Variants in RDH13 observed in about 807,000 individuals in gnomAD.
RDH13 encodes the protein retinol dehydrogenase 13 (all-trans and 9-cis).
Under a neutral mutation model 28.3 loss-of-function variants are expected in RDH13, and 35 were observed. That is an observed-to-expected ratio of 1.24 (90% CI 0.95 to 1.64). The LOEUF (loss-of-function observed/expected upper bound fraction) is 1.64. Ranked by LOEUF, RDH13 falls within the 40% of genes most tolerant of loss-of-function variation. The pLI is 0.00. For missense variants in RDH13, 514 were observed against 446.3 expected (o/e 1.15, Z -1.37); for synonymous variants, 229 against 198.5 (o/e 1.15, Z -1.29).
chr19:55,067,469 G>A (rs2075981207), upstream of RDH13: 1 of 152,256 alleles, frequency 6.6e-6, no homozygotes, highest in South Asian at 2.1e-4. Context: ...ATGCATATGA[G>A]AGATATTGTG....
chr19:55,062,457 G>A (rs2075835743), intron 1 of RDH13, among the ~76,000 whole-genome samples: 1 of 152,158 alleles, frequency 6.6e-6, no homozygotes, highest in African/African-American at 2.4e-5. Context: ...CGAGGCAGGC[G>A]GATCACCTGA....
Position 55,056,756 on chromosome 19 carries a change from T to C in RDH13, c.237A>G (p.Ala79=), listed in dbSNP as rs376950650. The change falls in exon 3 of 7, where the codon GCA becomes GCG. Residue 79 remains alanine, a synonymous_variant. Transcript: ENST00000415061. ...TGAGGGTCTCCCCGCGGATGTCCTTTGCTGCCGCCTCACACTTCTCCATGT... is the reference window on the plus strand; with the variant it reads ...TGAGGGTCTCCCCGCGGATGTCCTTCGCTGCCGCCTCACACTTCTCCATGT... ...CRDMEKCEAA[A]KDIRGETLNH... 29 of 1,614,068 alleles carry C rather than the reference T, an allele frequency of 1.8e-5. No homozygotes were observed. The African/African-American group carries it at 3.5e-4, about 19-fold the overall frequency.
chr19:55,059,572 CAA>C (rs1193517604), intron 1 of RDH13, among the ~76,000 whole-genome samples: 2 of 82,316 alleles, frequency 2.4e-5, no homozygotes, highest in Non-Finnish European at 4.4e-5. Context: ...TTTGGGAGGC[CAA>C]AGTTTTGGGG....
At chr19:55,057,293 C>T (rs1189567210) in intron 2 of RDH13, among the ~76,000 whole-genome samples, 1 of 152,092 alleles carries the variant, frequency 6.6e-6, no homozygotes, top group African/African-American at 2.4e-5. Flanking sequence ...TCTAGGGTAA[C>T]AGATGTTCTA....
intron 3 of RDH13, among the ~76,000 whole-genome samples, 174 bp from the exon 4 acceptor site, chr19:55,048,937 A>G (rs775262181): frequency 1.3e-5 from 2 of 152,158 alleles, no homozygotes; most frequent in Non-Finnish European, 2.9e-5. Context: ...CCCTAATCCA[A>G]TGACTGGTGT....
chr19:55,060,645 C>T (rs2075781680), intron 1 of RDH13, among the ~76,000 whole-genome samples: 1 of 152,268 alleles, frequency 6.6e-6, no homozygotes, highest in South Asian at 2.1e-4. Context: ...TCGTCCCACC[C>T]AACTAGAAAT....
chr19:55,059,121 A>G (rs1462026649), intron 2 of RDH13, 36 bp downstream of exon 2: 8 of 1,351,188 alleles, frequency 5.9e-6, no homozygotes, highest in Middle Eastern at 3.5e-4. Context: ...GGATGTACAG[A>G]TATCTCTCTG....
At position 55,045,287 on chromosome 19, in the gene RDH13, G is replaced by C. The variant is rs201642925; in HGVS notation, c.783C>G (p.Val261=). 18 of 1,612,462 alleles carry C rather than the reference G, an allele frequency of 1.1e-5. No individual in the cohort carries two copies. The highest frequency in any genetic ancestry group is 1.3e-5 in the African/African-American group (1 of 74,926). ...TTLGPIFWLL[V]KSPELAAQPS... is the part of the protein sequence containing the mutation. ...GCTGGGCGGCCAGCTCGGGGCTCTT[G>C]ACCAGCAGCCAGAAGATGGGCCCTG... The change falls in exon 7 of 7, where the codon GTC becomes GTG. Residue 261 remains valine (V), a synonymous_variant. Transcript: ENST00000415061.
In RDH13 at chr19:55,047,406, G is replaced by C; in HGVS notation, c.741C>G (p.Thr247=). The part of the protein sequence containing the change: ...LGRHTGIHGS[T]FSSTTLGPIF... ...ACTCACCGAGTGTGGTGCTGGAGAA[G>C]GTGGAGCCATGGATGCCCGTGTGTC... The change falls in exon 6 of 7, where the codon ACC becomes ACG. Residue 247 remains threonine (T), a synonymous_variant. Transcript: ENST00000415061. 1 of 1,612,052 alleles carries C rather than the reference G, an allele frequency of 6.2e-7. No individual in the cohort carries two copies. Among genetic ancestry groups the C allele is most frequent in the Non-Finnish European group, 8.5e-7 (1 of 1,179,948 alleles).
chr19:55,058,313 G>T (rs1293421729), intron 2 of RDH13, among the ~76,000 whole-genome samples: 1 of 151,492 alleles, frequency 6.6e-6, no homozygotes, highest in African/African-American at 2.4e-5. Context: ...GCTTGAACCC[G>T]GGAGGCGAAG....
At chr19:55,052,762 C>T (rs1451194435) in intron 3 of RDH13, among the ~76,000 whole-genome samples, 12 of 151,336 alleles carry the variant, frequency 7.9e-5, no homozygotes, top group African/African-American at 2.4e-4. Flanking sequence ...CCCGGGTTCA[C>T]GCCATTCTCC....
upstream of RDH13, among the ~76,000 whole-genome samples, chr19:55,066,073 T>A (rs566901944): frequency 6.6e-6 from 1 of 152,304 alleles, no homozygotes; most frequent in African/African-American, 2.4e-5. Context: ...AAGGACTTAA[T>A]CCATAGTAAG....
chr19:55,056,636 G>C lies in RDH13; in HGVS notation c.340+17C>G, dbSNP rs1462463693. 6.2e-7 allele frequency: 1 copy of C among 1,613,410 alleles called. No individual in the cohort carries two copies. The highest frequency in any genetic ancestry group is 1.1e-5 in the South Asian group (1 of 91,002). On this transcript the variant is annotated intron_variant, in intron 3 of 6. Coordinates refer to ENST00000415061, the MANE Select transcript of RDH13 (RefSeq NM_001145971.2). ...GCCTATCCCAGTCCTCATCCCACAT[G>C]GCCAGCGTTCTCCTACCTTCAATGA... is the stretch of plus-strand genomic sequence containing the variant.
upstream of RDH13, among the ~76,000 whole-genome samples, chr19:55,066,423 T>G (rs901918781): frequency 1.8e-4 from 27 of 148,742 alleles, no homozygotes; most frequent in Admixed American, 1.8e-3. Context: ...TCTCTTCCTC[T>G]CTCCCTCTCT....
Position 55,056,705 on chromosome 19 carries a change from C to T in RDH13, c.288G>A (p.Leu96=). The change falls in exon 3 of 7, where the codon CTG becomes CTA. Residue 96 remains leucine, a synonymous_variant. Transcript: ENST00000415061. ...GGATAGACTTGAGGGAAGCCAAGTC[C>T]AGGTGCCGGGCGTTGACATGGTGAT... ...TLNHHVNARH[L]DLASLKSIRE... The T allele has an allele frequency of 7.4e-6, 12 of 1,614,042 alleles. No homozygotes were observed. Among genetic ancestry groups the T allele is most frequent in the Middle Eastern group, 1.6e-4 (1 of 6,062 alleles).
At chr19:55,057,107 C>G (rs565283603) in intron 2 of RDH13, among the ~76,000 whole-genome samples, 3 of 152,216 alleles carry the variant, frequency 2.0e-5, no homozygotes, top group Admixed American at 6.6e-5. Flanking sequence ...AAACCAGACA[C>G]GAAAGACCAC....
chr19:55,047,385 A>C lies in RDH13; in HGVS notation c.760+2T>G. 6.2e-7 allele frequency: 1 copy of C among 1,611,152 alleles called. No individual in the cohort carries two copies. The highest frequency in any genetic ancestry group is 8.5e-7 in the Non-Finnish European group (1 of 1,179,756). On this transcript the variant is annotated splice_donor_variant, in intron 6 of 6. Coordinates refer to ENST00000415061, the MANE Select transcript of RDH13 (RefSeq NM_001145971.2). LOFTEE classifies it high-confidence loss of function. The stretch of plus-strand genomic sequence containing the variant: ...GAGACCCCAGGCTGGGAGGGGACTC[A>C]CCGAGTGTGGTGCTGGAGAAGGTGG...
chr19:55,056,879 A>G, intron 2 of RDH13, 71 bp from the exon 3 acceptor site: 1 of 1,328,228 alleles, frequency 7.5e-7, no homozygotes, highest in Non-Finnish European at 1.0e-6. Flanking sequence ...GAGACATGAA[A>G]ACATACGTCT....
chr19:55,047,807 C>T (rs562634773), intron 5 of RDH13, among the ~76,000 whole-genome samples: 14 of 152,280 alleles, frequency 9.2e-5, no homozygotes, highest in East Asian at 5.8e-4. Flanking sequence ...GGGCTGGCAC[C>T]GCTGGTCCAC....
Sources: allele counts gnomAD v4.1 joint callset (sites outside exome capture counted in the v4.1 genomes callset), GRCh38; gene constraint gnomAD v4.1.1; transcripts MANE v1.5; gene names NCBI Gene and HGNC (gene_info 2026-07-23, HGNC 2026-07-21).